Variants in TRAP1 observed in about 807,000 individuals in gnomAD.
The protein encoded by TRAP1 is TNF receptor associated protein 1.
In TRAP1, 102 loss-of-function variants were observed where a neutral mutation model predicts 89.1. The observed-to-expected ratio is 1.15, with a 90% CI of 0.98 to 1.35. The LOEUF (loss-of-function observed/expected upper bound fraction) is 1.35, where lower values mean the gene tolerates loss of function less well. Ranked by LOEUF, TRAP1 falls within the 40% of genes most tolerant of loss-of-function variation. The pLI, the probability that TRAP1 is intolerant of heterozygous loss-of-function variation, is 0.00. For synonymous variants in TRAP1, 508 were observed against 388.0 expected (o/e 1.31, Z -3.64); for missense variants, 1,256 against 945.3 (o/e 1.33, Z -4.31).
intron 5 of TRAP1, among the ~76,000 whole-genome samples, chr16:3,679,328 A>C (rs945883045): frequency 5.9e-5 from 9 of 152,168 alleles, no homozygotes; most frequent in African/African-American, 2.2e-4. Flanking sequence ...ATAAAAAACA[A>C]CACAATGATA....
chr16:3,683,923 T>C (rs942817383), intron 4 of TRAP1, among the ~76,000 whole-genome samples: 8 of 152,072 alleles, frequency 5.3e-5, no homozygotes, highest in Non-Finnish European at 1.0e-4. Flanking sequence ...CCCAGCACTT[T>C]GGGAGGCCAA....
intron 16 of TRAP1, chr16:3,659,651 T>C (rs1012785688): frequency 2.0e-5 from 3 of 152,136 alleles, no homozygotes; most frequent in Non-Finnish European, 4.4e-5. Flanking sequence ...GTACAACCTC[T>C]CCAGAGGACA....
At chr16:3,710,879 A>ATCTATATTTTTT (rs71133652) in intron 1 of TRAP1, among the ~76,000 whole-genome samples, 1 of 125,834 alleles carries the variant, frequency 7.9e-6, no homozygotes, top group South Asian at 2.5e-4. Context: ...ATATATATAT[A>ATCTATATTTTTT]TTTTTTTTTT....
rs111987725 is a variant in TRAP1 at position 3,658,136 on chromosome 16, C to T, written c.2108G>A (p.Arg703Gln). The T allele has an allele frequency of 2.5e-4, 401 of 1,613,980 alleles. 1 individual carries two copies. The highest frequency in any genetic ancestry group is 1.3e-3 in the Middle Eastern group (8 of 6,062). The change falls in exon 18 of 18, where the codon CGA becomes CAA. Residue 703 changes from arginine (R) to glutamine (Q), a missense_variant. By Grantham distance (43) the Arg-to-Gln change is conservative. Transcript: ENST00000246957. ...CTTCTGGCCCCCTGGCTGTCAGTGT[C>T]GCTCCAGGGCCTTGACAAGCAGCTC... ...LNELLVKALERH is the reference protein window; with the variant it reads ...LNELLVKALEQH
At chr16:3,681,534 G>T (rs1210266750) in intron 4 of TRAP1, among the ~76,000 whole-genome samples, 1 of 152,142 alleles carries the variant, frequency 6.6e-6, no homozygotes, top group Admixed American at 6.5e-5. Flanking sequence ...AGAGGCTTCT[G>T]GGCAATTATT....
At chr16:3,659,854 G>A (rs1294861946) in intron 16 of TRAP1, 1 of 151,986 alleles carries the variant, frequency 6.6e-6, no homozygotes, top group Non-Finnish European at 1.5e-5. Flanking sequence ...GTTTCAAGAG[G>A]TTCTCTTGCC....
chr16:3,713,175 G>T (rs117877579), intron 1 of TRAP1, among the ~76,000 whole-genome samples: 1 of 152,096 alleles, frequency 6.6e-6, no homozygotes, highest in Non-Finnish European at 1.5e-5. Flanking sequence ...AAGAACAGCC[G>T]GAGAGCACCA....
chr16:3,713,127 G>C (rs1173347840), intron 1 of TRAP1, among the ~76,000 whole-genome samples: 1 of 152,060 alleles, frequency 6.6e-6, no homozygotes, highest in Non-Finnish European at 1.5e-5. Context: ...AGACAGAGTC[G>C]CAACTGACCA....
intron 1 of TRAP1, among the ~76,000 whole-genome samples, chr16:3,708,924 T>G (rs1454630447): frequency 1.3e-5 from 2 of 150,832 alleles, no homozygotes; most frequent in Non-Finnish European, 2.9e-5. Flanking sequence ...CACGGCATTC[T>G]CCTGCCTCAG....
At chr16:3,668,121 G>T (rs1189050196) in intron 11 of TRAP1, among the ~76,000 whole-genome samples, 1 of 151,946 alleles carries the variant, frequency 6.6e-6, no homozygotes, top group African/African-American at 2.4e-5. Context: ...TAGAGATGGG[G>T]TTTCACCATC....
chr16:3,665,948 G>T (rs752653148), intron 12 of TRAP1, 23 bp downstream of exon 12: 7 of 1,600,920 alleles, frequency 4.4e-6, no homozygotes, highest in African/African-American at 1.4e-5. Flanking sequence ...CCCAGAAAAA[G>T]GCCTGGAACA....
At chr16:3,662,572 G>T in intron 15 of TRAP1, 3 of 596,326 alleles carry the variant, frequency 5.0e-6, no homozygotes, top group South Asian at 4.9e-5. Flanking sequence ...TGAGGGCTGG[G>T]GTAGCATGTC....
rs780375051 is a variant in TRAP1, at chr16:3,664,453, T to C, written c.1390A>G (p.Ile464Val). The part of the protein sequence containing the change: ...TATEQEVKED[I>V]AKLLRYESSA... ...GACTCGTAGCGCAGCAGCTTTGCTA[T>C]GTCCTCCTAGAAGGGACGGGGCAGG... is the stretch of plus-strand genomic sequence containing the variant. The change falls in exon 13 of 18, where the codon ATA (isoleucine) becomes GTA (valine). Residue 464 changes from isoleucine (I) to valine (V), a missense_variant. Ile to Val is a conservative substitution (Grantham distance 29). Transcript: ENST00000246957. 3.1e-6 allele frequency: 5 copies of C among 1,610,080 alleles called. No individual in the cohort carries two copies. The Admixed American group carries it at 8.4e-5, about 27-fold the overall frequency.
chr16:3,692,809 G>C (rs533529668), intron 1 of TRAP1, among the ~76,000 whole-genome samples: 1 of 151,710 alleles, frequency 6.6e-6, no homozygotes, highest in Non-Finnish European at 1.5e-5. Flanking sequence ...ATGTTGGCCA[G>C]GCTGGTCTCG....
At position 3,676,158 on chromosome 16, in the gene TRAP1, A is replaced by G. The variant is rs759832538; in HGVS notation, c.705-13T>C. 34 of 1,611,448 alleles carry G rather than the reference A, an allele frequency of 2.1e-5. No individual in the cohort carries two copies. Among genetic ancestry groups the G allele is most frequent in the Non-Finnish European group, 2.3e-5 (27 of 1,178,370 alleles). On this transcript the variant is annotated splice_polypyrimidine_tract_variant and intron_variant, in intron 6 of 17. Coordinates refer to ENST00000246957, the MANE Select transcript of TRAP1 (RefSeq NM_016292.3). ...AAACACTCCAGAACTAAGGCAGGCA[A>G]AGAAAGGAAAAGCCAGGTGGATGTG...
intron 3 of TRAP1, among the ~76,000 whole-genome samples, chr16:3,688,741 C>T (rs1016584682): frequency 3.7e-4 from 57 of 152,272 alleles, no homozygotes; most frequent in African/African-American, 1.1e-3. Flanking sequence ...GCCTCGACCT[C>T]CCAAAGCACT....
chr16:3,664,571 G>T (rs979882404), intron 12 of TRAP1, 112 bp from the exon 13 acceptor site: 16 of 1,209,160 alleles, frequency 1.3e-5, no homozygotes, highest in Non-Finnish European at 1.6e-5. Context: ...CTCCAGGCTG[G>T]CCCTGACCCG....
chr16:3,691,185 G>C, intron 1 of TRAP1, 200 bp from the exon 2 acceptor site: 4 of 425,994 alleles, frequency 9.4e-6, no homozygotes, highest in Non-Finnish European at 1.6e-5. Flanking sequence ...GATGTCATCA[G>C]TGTAAGATAC....
At chr16:3,709,519 A>G (rs2051498053) in intron 1 of TRAP1, among the ~76,000 whole-genome samples, 1 of 152,228 alleles carries the variant, frequency 6.6e-6, no homozygotes, top group South Asian at 2.1e-4. Flanking sequence ...GGTTACATAA[A>G]TTACAAAACA....
Sources: gnomAD v4.1 joint callset for allele counts (sites outside exome capture counted in the v4.1 genomes callset) on GRCh38, gnomAD v4.1.1 for gene constraint, MANE v1.5 for transcripts, NCBI Gene and HGNC (gene_info 2026-07-23, HGNC 2026-07-21) for gene names.